The following SCN8A variants were observed in gnomAD, a reference collection of about 807,000 sequenced individuals.
SCN8A encodes sodium voltage-gated channel alpha subunit 8, also known as sodium channel protein type 8 subunit alpha.
SCN8A carries 30 observed loss-of-function variants against 184.1 expected under a neutral mutation model. The ratio of observed to expected loss-of-function variants is 0.16; its 90% CI spans 0.12 to 0.22. The LOEUF is 0.22. SCN8A is among the 10% of genes least tolerant of loss of function. The probability of loss-of-function intolerance (pLI) is 1.00; values close to 1 mark genes in which losing one functional copy is unlikely to be tolerated. For missense variants in SCN8A, 1,057 were observed against 2,498.9 expected (o/e 0.42, Z 12.30); for synonymous variants, 852 against 907.0 (o/e 0.94, Z 1.09).
At chr12:51,671,606 G>A (rs1941132479) in intron 2 of SCN8A, among the ~76,000 whole-genome samples, 1 of 152,138 alleles carries the variant, frequency 6.6e-6, no homozygotes, top group African/African-American at 2.4e-5. Flanking sequence ...AAATGTTAAA[G>A]AATGTTTCAA....
In SCN8A at chr12:51,763,376, C is replaced by T. The variant is rs977306196; in HGVS notation, c.2544+700C>T. ...TTAGATGATTTTGGCCAACTGTAGG[C>T]GAATGTAAGTGTTCAGAACATGTTT... On this transcript the variant is annotated intron_variant, in intron 15 of 26. Coordinates refer to ENST00000627620, the MANE Select transcript of SCN8A (RefSeq NM_001330260.2). Among the ~76,000 whole-genome samples the T allele has an allele frequency of 3.3e-5, 5 of 152,122 alleles. No individual in the cohort carries two copies. The East Asian group carries it at 7.7e-4, about 24-fold the overall frequency.
chr12:51,662,242 C>T (rs958754841), intron 1 of SCN8A, among the ~76,000 whole-genome samples: 9 of 152,170 alleles, frequency 5.9e-5, no homozygotes, highest in African/African-American at 1.7e-4. Context: ...CAGATGGAAG[C>T]GATTTTATCT....
At chr12:51,690,598 G>T (rs551688755) in intron 6 of SCN8A, among the ~76,000 whole-genome samples, 1 of 152,190 alleles carries the variant, frequency 6.6e-6, no homozygotes, top group Non-Finnish European at 1.5e-5. Context: ...CTGGGCTCAA[G>T]CAATCTTCCT....
intron 1 of SCN8A, among the ~76,000 whole-genome samples, chr12:51,617,520 T>A (rs1939866711): frequency 6.6e-6 from 1 of 152,234 alleles, no homozygotes. Flanking sequence ...CAAGACTGTT[T>A]GCCTTTCCTT....
intron 2 of SCN8A, among the ~76,000 whole-genome samples, chr12:51,681,380 C>T (rs1941329634): frequency 6.6e-6 from 1 of 152,134 alleles, no homozygotes; most frequent in Non-Finnish European, 1.5e-5. Flanking sequence ...ATAATAATTC[C>T]TCCTTCACCC....
chr12:51,694,822 G>T (rs1941567426), intron 6 of SCN8A, among the ~76,000 whole-genome samples: 1 of 152,184 alleles, frequency 6.6e-6, no homozygotes, highest in Admixed American at 6.5e-5. Flanking sequence ...TTATTGACAG[G>T]TGTTGATGGT....
intron 1 of SCN8A, among the ~76,000 whole-genome samples, chr12:51,594,041 T>C (rs1555205848): frequency 1.3e-5 from 2 of 152,160 alleles, no homozygotes; most frequent in Non-Finnish European, 2.9e-5. Context: ...GAAAGGCACT[T>C]GACACAGCAG....
At chr12:51,658,159 T>C (rs1277131340) in intron 1 of SCN8A, among the ~76,000 whole-genome samples, 2 of 152,174 alleles carry the variant, frequency 1.3e-5, no homozygotes, top group Non-Finnish European at 2.9e-5. Context: ...AATAATTTCA[T>C]TGGTATTTTG....
rs886049598 is a variant in SCN8A, at chr12:51,811,231, G to A, written c.*3802G>A. On this transcript the variant is annotated 3_prime_UTR_variant, in exon 27 of 27. Coordinates refer to ENST00000627620, the MANE Select transcript of SCN8A (RefSeq NM_001330260.2). The stretch of plus-strand genomic sequence containing the variant: ...GAATAGAGGGAAGAGAAATCAAAGG[G>A]GCTCTCGCAAAGTTCTGGCTAAGAA... 1 of 152,074 alleles carries A rather than the reference G, an allele frequency of 6.6e-6. No homozygotes were observed. Among genetic ancestry groups the A allele is most frequent in the Non-Finnish European group, 1.5e-5 (1 of 68,054 alleles). The allele number at this position is 152,074 out of a possible 1,614,324, so 9.4% of individuals were successfully genotyped here.
Position 51,668,719 on chromosome 12 carries a change from C to T in SCN8A, c.276+5626C>T, listed in dbSNP as rs373164202. ...TATTCCAGGGACTTGGGCTTATTATCAATACCGCCAGTTATTCAACTGGAC... is the reference window on the plus strand; with the variant it reads ...TATTCCAGGGACTTGGGCTTATTATTAATACCGCCAGTTATTCAACTGGAC... On this transcript the variant is annotated intron_variant, in intron 2 of 26. Coordinates refer to ENST00000627620, the MANE Select transcript of SCN8A (RefSeq NM_001330260.2). 1.0e-3 allele frequency among the ~76,000 whole-genome samples: 156 copies of T among 152,222 alleles called. 3 individuals are homozygous for T. In the South Asian group the frequency reaches 0.026, roughly 26 times the overall value.
chr12:51,784,538 G>A lies in SCN8A; in HGVS notation c.3943-2004G>A, dbSNP rs187676514. Among the ~76,000 whole-genome samples, 89 of 152,210 alleles carry A rather than the reference G, an allele frequency of 5.8e-4. No individual in the cohort carries two copies. The South Asian group carries it at 7.5e-3, about 13-fold the overall frequency. ...TGCACCACTGCACTCCAGCCTGGTC[G>A]ACAGAGTGAGACCCTTTCTCAAAAA... is the stretch of plus-strand genomic sequence containing the variant. On this transcript the variant is annotated intron_variant, in intron 21 of 26. Coordinates refer to ENST00000627620, the MANE Select transcript of SCN8A (RefSeq NM_001330260.2).
At chr12:51,599,079 G>T (rs1330225188) in intron 1 of SCN8A, among the ~76,000 whole-genome samples, 1 of 152,170 alleles carries the variant, frequency 6.6e-6, no homozygotes, top group East Asian at 1.9e-4. Context: ...TGCAGGGGGA[G>T]ACATAACCTT....
At chr12:51,673,106 C>T (rs925446328) in intron 2 of SCN8A, among the ~76,000 whole-genome samples, 1 of 152,086 alleles carries the variant, frequency 6.6e-6, no homozygotes, top group Admixed American at 6.5e-5. Context: ...CCCTCCATAC[C>T]CATGGGTTCC....
chr12:51,721,183 G>A (rs1942054085), intron 11 of SCN8A, among the ~76,000 whole-genome samples: 1 of 144,700 alleles, frequency 6.9e-6, no homozygotes. Flanking sequence ...TTTTTGCCCA[G>A]TGTGGCGTAG....
At chr12:51,780,300 C>A in intron 20 of SCN8A, 1 of 432,620 alleles carries the variant, frequency 2.3e-6, no homozygotes, top group Admixed American at 2.6e-5. Context: ...GTTCAGGCTC[C>A]TCTCCTTCCA....
intron 7 of SCN8A, among the ~76,000 whole-genome samples, 172 bp from the exon 8 acceptor site, chr12:51,700,972 A>G (rs960187394): frequency 6.6e-6 from 1 of 152,250 alleles, no homozygotes; most frequent in African/African-American, 2.4e-5. Context: ...GTAAATATAT[A>G]TAAGAAAATC....
At chr12:51,601,776 A>G (rs756850207) in intron 1 of SCN8A, among the ~76,000 whole-genome samples, 1 of 151,104 alleles carries the variant, frequency 6.6e-6, no homozygotes, top group Non-Finnish European at 1.5e-5. Flanking sequence ...CAGCAGTCAA[A>G]TGGGGATGTC....
At chr12:51,599,369 G>A (rs544175371) in intron 1 of SCN8A, among the ~76,000 whole-genome samples, 53 of 152,282 alleles carry the variant, frequency 3.5e-4, no homozygotes, top group African/African-American at 9.6e-4. Context: ...AGCATTTCAA[G>A]TTGGTATGAT....
In SCN8A at chr12:51,811,558, C is replaced by G. The variant is rs990417676; in HGVS notation, c.*4129C>G. On this transcript the variant is annotated 3_prime_UTR_variant, in exon 27 of 27. Coordinates refer to ENST00000627620, the MANE Select transcript of SCN8A (RefSeq NM_001330260.2). ...GCAAGCTCATACTGGGCCCTGCCCT[C>G]CATCGCCCCAGACAGGCCCACAGAC... 6.6e-6 allele frequency: 1 copy of G among 152,446 alleles called. No homozygotes were observed. The allele number at this position is 152,446 out of a possible 1,614,324, so 9.4% of individuals were successfully genotyped here.
Sources: allele counts gnomAD v4.1 joint callset (sites outside exome capture counted in the v4.1 genomes callset), GRCh38; gene constraint gnomAD v4.1.1; transcripts MANE v1.5; gene names NCBI Gene and HGNC (gene_info 2026-07-23, HGNC 2026-07-21).